The following LDLRAD3 variants were observed in gnomAD, a reference collection of about 807,000 sequenced individuals.
LDLRAD3 encodes the protein low density lipoprotein receptor class A domain containing 3.
LDLRAD3 carries 20 observed loss-of-function variants against 29.4 expected under a neutral mutation model. The observed-to-expected ratio is 0.68, with a 90% CI of 0.48 to 0.99. LDLRAD3 has a LOEUF of 0.99. LDLRAD3 is among the 50% of genes least tolerant of loss of function. LDLRAD3 has a pLI of 0.00. For missense variants in LDLRAD3, 420 were observed against 454.3 expected, an observed-to-expected ratio of 0.92 and a Z score of 0.69; for synonymous variants, 157 against 192.7, an observed-to-expected ratio of 0.81 and a Z score of 1.53.
intron 4 of LDLRAD3, among the ~76,000 whole-genome samples, chr11:36,131,630 C>T (rs992207805): frequency 6.6e-5 from 10 of 152,200 alleles, no homozygotes; most frequent in Admixed American, 4.6e-4. Flanking sequence ...AACCTACTGT[C>T]TTAGCCATTT....
intron 2 of LDLRAD3, among the ~76,000 whole-genome samples, chr11:36,044,187 CTGTAAAA>C (rs57140211): frequency 0.051 from 7,813 of 152,188 alleles, 553 homozygotes; most frequent in African/African-American, 0.16. Flanking sequence ...ATTTTCTCAT[CTGTAAAA>C]TGGAGATAAT....
At chr11:35,955,997 A>G (rs1851196331) in intron 1 of LDLRAD3, among the ~76,000 whole-genome samples, 1 of 152,206 alleles carries the variant, frequency 6.6e-6, no homozygotes, top group African/African-American at 2.4e-5. Context: ...CTTCCTGCTA[A>G]TGAGATGAGA....
chr11:36,035,532 A>G (rs916405627), intron 1 of LDLRAD3, among the ~76,000 whole-genome samples: 4 of 152,134 alleles, frequency 2.6e-5, no homozygotes, highest in East Asian at 3.9e-4. Flanking sequence ...GAGGTTACAA[A>G]TCCCAAGTTC....
chr11:36,048,769 T>C (rs1219626424), intron 2 of LDLRAD3, among the ~76,000 whole-genome samples: 2 of 152,210 alleles, frequency 1.3e-5, no homozygotes, highest in Non-Finnish European at 2.9e-5. Context: ...TGGTCCCTCC[T>C]AGGTGATAGC....
chr11:36,134,292 A>G (rs1004999890), intron 4 of LDLRAD3, among the ~76,000 whole-genome samples: 14 of 152,358 alleles, frequency 9.2e-5, no homozygotes, highest in Admixed American at 7.8e-4. Context: ...TGTTACTGAT[A>G]GTCTCCTTAA....
intron 1 of LDLRAD3, among the ~76,000 whole-genome samples, chr11:36,029,750 G>A (rs1433716166): frequency 6.6e-6 from 1 of 152,122 alleles, no homozygotes. Context: ...AACTCGCTTT[G>A]TAAGAAAGGA....
chr11:35,971,290 G>T (rs1851408927), intron 1 of LDLRAD3, among the ~76,000 whole-genome samples: 1 of 152,100 alleles, frequency 6.6e-6, no homozygotes, highest in Non-Finnish European at 1.5e-5. Flanking sequence ...TTTATTGAGG[G>T]GAGTGACATG....
intron 4 of LDLRAD3, among the ~76,000 whole-genome samples, chr11:36,207,741 G>T (rs1191478829): frequency 6.6e-6 from 1 of 152,126 alleles, no homozygotes; most frequent in East Asian, 1.9e-4. Context: ...TCACAAAAGG[G>T]CATGAATCTC....
chr11:36,048,506 A>G (rs1179766573), intron 2 of LDLRAD3, among the ~76,000 whole-genome samples: 2 of 152,294 alleles, frequency 1.3e-5, no homozygotes, highest in East Asian at 3.9e-4. Flanking sequence ...AGTCAGGTCT[A>G]TTGAGATAAG....
chr11:36,118,515 G>A (rs1389359212), intron 4 of LDLRAD3, among the ~76,000 whole-genome samples: 1 of 150,924 alleles, frequency 6.6e-6, no homozygotes, highest in Non-Finnish European at 1.5e-5. Context: ...GTGTGTGTGA[G>A]AGAGAGAGAG....
At chr11:36,205,083 T>G (rs996672826) in intron 4 of LDLRAD3, among the ~76,000 whole-genome samples, 1 of 152,212 alleles carries the variant, frequency 6.6e-6, no homozygotes, top group Non-Finnish European at 1.5e-5. Context: ...ATTTATAGTT[T>G]CCAAGCTCAG....
chr11:36,148,273 A>T (rs1249687956), intron 4 of LDLRAD3, among the ~76,000 whole-genome samples: 2 of 152,134 alleles, frequency 1.3e-5, no homozygotes, highest in East Asian at 1.9e-4. Flanking sequence ...CTTGGTTCTC[A>T]ACCCTGTGAT....
chr11:36,182,048 C>T (rs1854772618), intron 4 of LDLRAD3, among the ~76,000 whole-genome samples: 1 of 152,184 alleles, frequency 6.6e-6, no homozygotes, highest in South Asian at 2.1e-4. Flanking sequence ...GCCTTCCCTC[C>T]CTCTCTGACT....
intron 1 of LDLRAD3, among the ~76,000 whole-genome samples, chr11:35,992,215 A>G (rs550399548): frequency 1.4e-4 from 21 of 152,318 alleles, no homozygotes; most frequent in Admixed American, 1.2e-3. Context: ...CATGAACAAG[A>G]ATGCAACCTT....
In LDLRAD3 at chr11:36,231,585, T is replaced by C. The variant is rs1855576546; in HGVS notation, c.*2188T>C. 1 of 152,258 alleles carries C rather than the reference T, an allele frequency of 6.6e-6. No individual in the cohort carries two copies. The highest frequency in any genetic ancestry group is 1.5e-5 in the Non-Finnish European group (1 of 68,044). 9.4% of individuals were successfully genotyped at this position (152,258 alleles called of 1,614,324 possible). On this transcript the variant is annotated 3_prime_UTR_variant, in exon 6 of 6. Transcript: ENST00000315571. ...AGTGAGTTAATCTCACTCGCTTTTC[T>C]GCTTCCAGGCATCTTAGGAAAAACA...
chr11:36,088,745 C>T (rs942780001), intron 3 of LDLRAD3, among the ~76,000 whole-genome samples: 5 of 152,176 alleles, frequency 3.3e-5, no homozygotes, highest in Non-Finnish European at 7.3e-5. Context: ...AAAGCTGCAT[C>T]GTCAAGGTCT....
At chr11:36,025,774 A>ATTTTTTT (rs754006718) in intron 1 of LDLRAD3, among the ~76,000 whole-genome samples, 2 of 84,410 alleles carry the variant, frequency 2.4e-5, no homozygotes, top group African/African-American at 8.9e-5. Flanking sequence ...CCTGAATTTG[A>ATTTTTTT]TTTTTTTTTT....
intron 4 of LDLRAD3, among the ~76,000 whole-genome samples, chr11:36,168,351 A>G (rs533009068): frequency 2.0e-5 from 3 of 152,300 alleles, no homozygotes; most frequent in Admixed American, 2.0e-4. Context: ...CTTGTTTTTA[A>G]CAGGAGGAGA....
At chr11:35,964,409 C>T (rs1476890919) in intron 1 of LDLRAD3, among the ~76,000 whole-genome samples, 1 of 152,144 alleles carries the variant, frequency 6.6e-6, no homozygotes, top group Non-Finnish European at 1.5e-5. Context: ...TTTCCAGCCC[C>T]ACAGTCTTGC....
Sources: gnomAD v4.1 joint callset for allele counts (sites outside exome capture counted in the v4.1 genomes callset) on GRCh38, gnomAD v4.1.1 for gene constraint, MANE v1.5 for transcripts, NCBI Gene and HGNC (gene_info 2026-07-23, HGNC 2026-07-21) for gene names.